Variants in SASS6 observed in about 807,000 individuals in gnomAD.
SASS6 encodes the protein spindle assembly abnormal protein 6 homolog.
SASS6 carries 59 observed loss-of-function variants against 94.9 expected under a neutral mutation model. That is an observed-to-expected ratio of 0.62 (90% CI 0.50 to 0.77). The LOEUF is 0.77. SASS6 is among the 30% of genes least tolerant of loss of function. The pLI, the probability that SASS6 is intolerant of heterozygous loss-of-function variation, is 0.00. For missense variants in SASS6, 698 were observed against 734.1 expected, an observed-to-expected ratio of 0.95 and a Z score of 0.57; for synonymous variants, 264 against 270.0, an observed-to-expected ratio of 0.98 and a Z score of 0.22.
intron 14 of SASS6, among the ~76,000 whole-genome samples, chr1:100,101,736 AGCCAGTTATAT>A (rs1388222316): frequency 3.2e-4 from 49 of 152,344 alleles, no homozygotes; most frequent in African/African-American, 1.1e-3. Flanking sequence ...ATGCAAGAAG[AGCCAGTTATAT>A]GCATCTAAGT....
intron 3 of SASS6, 74 bp downstream of exon 3, chr1:100,123,136 A>G (rs1654331391): frequency 1.5e-6 from 1 of 662,884 alleles, no homozygotes; most frequent in Non-Finnish European, 2.7e-6. Context: ...TATGTGTTTG[A>G]AAGAGAACAG....
chr1:100,092,582 T>G (rs1557879746), intron 14 of SASS6, among the ~76,000 whole-genome samples: 3 of 151,406 alleles, frequency 2.0e-5, no homozygotes, highest in African/African-American at 7.3e-5. Context: ...GTTTTTTTGT[T>G]TGTTTGTTTT....
At chr1:100,124,083 C>T (rs1654396613) in intron 2 of SASS6, among the ~76,000 whole-genome samples, 1 of 152,186 alleles carries the variant, frequency 6.6e-6, no homozygotes, top group African/African-American at 2.4e-5. Flanking sequence ...CTCATGTCTA[C>T]TGAGGAAATG....
intron 7 of SASS6, among the ~76,000 whole-genome samples, chr1:100,113,782 C>T (rs1442469975): frequency 6.6e-6 from 1 of 151,706 alleles, no homozygotes; most frequent in Non-Finnish European, 1.5e-5. Context: ...TTAAACAAAA[C>T]AAATTAAGAA....
At chr1:100,088,088 A>T (rs1488261874) in intron 15 of SASS6, 51 bp downstream of exon 15, 1 of 947,070 alleles carries the variant, frequency 1.1e-6, no homozygotes. Context: ...AAATTCTGTA[A>T]GATGGCCTTC....
rs1234684899 is a variant in SASS6, at chr1:100,088,188, C to T, written c.1723G>A (p.Val575Ile). The T allele has an allele frequency of 1.2e-6, 2 of 1,608,048 alleles. No individual in the cohort carries two copies. The highest frequency in any genetic ancestry group is 1.7e-5 in the Admixed American group (1 of 60,004). The change falls in exon 15 of 17, where the codon GTT becomes ATT. Residue 575 changes from valine (V) to isoleucine (I), a missense_variant. Coordinates refer to ENST00000287482, the MANE Select transcript of SASS6 (RefSeq NM_194292.3). ...FTKPNASLGD[V>I]QSGATISMPC... Reference sequence around the variant, plus strand: ...ATACTAATAGTTGCTCCTGACTGAACATCTCCTAGTGATGCATTTGGTTTT... The same window carrying T: ...ATACTAATAGTTGCTCCTGACTGAATATCTCCTAGTGATGCATTTGGTTTT...
intron 1 of SASS6, among the ~76,000 whole-genome samples, chr1:100,132,240 T>C (rs1170077615): frequency 6.6e-6 from 1 of 152,166 alleles, no homozygotes; most frequent in African/African-American, 2.4e-5. Context: ...TAAATGTAAT[T>C]TACTTTTTTA....
chr1:100,085,773 T>G (rs903684117), intron 15 of SASS6, 143 bp from the exon 16 acceptor site: 60 of 535,826 alleles, frequency 1.1e-4, no homozygotes, highest in Non-Finnish European at 1.9e-4. Context: ...TCTTCACTGG[T>G]TTCTTAAGCA....
intron 4 of SASS6, 85 bp from the exon 5 acceptor site, chr1:100,121,634 A>G: frequency 1.3e-6 from 1 of 771,802 alleles, no homozygotes; most frequent in Non-Finnish European, 2.1e-6. Context: ...TACTTAAGAA[A>G]GCTCAGGAAA....
At chr1:100,104,791 A>G (rs1451897440) in intron 13 of SASS6, among the ~76,000 whole-genome samples, 1 of 151,824 alleles carries the variant, frequency 6.6e-6, no homozygotes, top group Non-Finnish European at 1.5e-5. Flanking sequence ...GTTAAAAAAA[A>G]AAAAAAAAAA....
At chr1:100,089,191 T>G (rs1411708684) in intron 14 of SASS6, among the ~76,000 whole-genome samples, 1 of 151,998 alleles carries the variant, frequency 6.6e-6, no homozygotes, top group Non-Finnish European at 1.5e-5. Context: ...ACTAATAAAC[T>G]TTAAGACACA....
chr1:100,128,317 G>A (rs547064443), intron 1 of SASS6, among the ~76,000 whole-genome samples: 3 of 152,328 alleles, frequency 2.0e-5, no homozygotes, highest in South Asian at 2.1e-4. Flanking sequence ...CAGTACAGGC[G>A]TGGGCCACTG....
chr1:100,091,970 T>C (rs1053571099), intron 14 of SASS6, among the ~76,000 whole-genome samples: 5 of 131,212 alleles, frequency 3.8e-5, no homozygotes, highest in Non-Finnish European at 7.7e-5. Context: ...TTCACACCAC[T>C]GTACTCCAGC....
intron 14 of SASS6, among the ~76,000 whole-genome samples, chr1:100,092,287 C>A (rs1303987991): frequency 6.6e-6 from 1 of 151,822 alleles, no homozygotes; most frequent in East Asian, 1.9e-4. Context: ...AGAGGCAGAA[C>A]AACAGTTTTA....
chr1:100,122,555 T>C, intron 3 of SASS6, 71 bp from the exon 4 acceptor site: 1 of 570,894 alleles, frequency 1.8e-6, no homozygotes, highest in Non-Finnish European at 2.9e-6. Flanking sequence ...GTGCCTTTTT[T>C]TTTTTTTTTT....
intron 4 of SASS6, among the ~76,000 whole-genome samples, 179 bp from the exon 5 acceptor site, chr1:100,121,728 A>G (rs1654214233): frequency 6.6e-6 from 1 of 152,176 alleles, no homozygotes; most frequent in South Asian, 2.1e-4. Flanking sequence ...TGACTACATA[A>G]AAGTCCATGA....
Position 100,088,164 on chromosome 1 carries a change from T to C in SASS6, c.1747A>G (p.Met583Val), listed in dbSNP as rs1404524907. The C allele has an allele frequency of 4.4e-6, 7 of 1,597,266 alleles. No individual in the cohort carries two copies. Among genetic ancestry groups the C allele is most frequent in the African/African-American group, 4.0e-5 (3 of 74,586 alleles). ...GDVQSGATIS[M>V]PCSTDKENGE... ...TTTTCCTTATCAGTTGAGCAAGGCATACTAATAGTTGCTCCTGACTGAACA... is the reference window on the plus strand; with the variant it reads ...TTTTCCTTATCAGTTGAGCAAGGCACACTAATAGTTGCTCCTGACTGAACA... Residue 583 changes from methionine (M) to valine (V), a missense_variant, in exon 15 of 17, where the codon ATG becomes GTG. Transcript: ENST00000287482.
At position 100,085,442 on chromosome 1, in the gene SASS6, T is replaced by G. The variant is rs888078852; in HGVS notation, c.1868-8A>C. ...TGCCATCTCTCTGATGGTCTGCAAATGAGGACAAAAAAAGGTTACTGGTAT... is the reference window on the plus strand; with the variant it reads ...TGCCATCTCTCTGATGGTCTGCAAAGGAGGACAAAAAAAGGTTACTGGTAT... On this transcript the variant is annotated splice_region_variant and splice_polypyrimidine_tract_variant and intron_variant, in intron 16 of 16. Coordinates refer to ENST00000287482, the MANE Select transcript of SASS6 (RefSeq NM_194292.3). 1 of 1,598,864 alleles carries G rather than the reference T, an allele frequency of 6.3e-7. No homozygotes were observed. The highest frequency in any genetic ancestry group is 1.7e-5 in the Admixed American group (1 of 59,724).
intron 15 of SASS6, among the ~76,000 whole-genome samples, chr1:100,087,262 C>T (rs1256160833): frequency 6.6e-6 from 1 of 152,222 alleles, no homozygotes; most frequent in Non-Finnish European, 1.5e-5. Context: ...GGATTACAGG[C>T]ATGAGCCACT....
Sources: allele counts gnomAD v4.1 joint callset (sites outside exome capture counted in the v4.1 genomes callset), GRCh38; gene constraint gnomAD v4.1.1; transcripts MANE v1.5; gene names NCBI Gene and HGNC (gene_info 2026-07-23, HGNC 2026-07-21).